Variants in DMXL2 observed in about 807,000 individuals in gnomAD.
DMXL2 encodes Dmx like 2.
Under a neutral mutation model 331.1 loss-of-function variants are expected in DMXL2, and 103 were observed. That is an observed-to-expected ratio of 0.31 (90% CI 0.27 to 0.37). DMXL2 has a LOEUF of 0.37. Ranked by LOEUF, DMXL2 falls within the 10% of genes least tolerant of loss-of-function variation. DMXL2 has a pLI of 1.00. For missense variants in DMXL2, 3,171 were observed against 3,642.9 expected, an observed-to-expected ratio of 0.87 and a Z score of 3.33; for synonymous variants, 1,281 against 1,252.1, an observed-to-expected ratio of 1.02 and a Z score of -0.49.
chr15:51,541,733 C>T (rs1199665993), intron 9 of DMXL2, among the ~76,000 whole-genome samples: 3 of 152,104 alleles, frequency 2.0e-5, no homozygotes, highest in Admixed American at 2.0e-4. Flanking sequence ...TAGCCTTTCT[C>T]CTACATTTCC....
chr15:51,536,294 C>A lies in DMXL2; in HGVS notation c.2186G>T (p.Arg729Leu). Residue 729 changes from arginine (R) to leucine (L), a missense_variant, in exon 12 of 44, where the codon CGT becomes CTT. Physicochemically the swap from Arg to Leu is moderately radical, Grantham distance 102 (BLOSUM62 -2). Transcript: ENST00000560891. The stretch of plus-strand genomic sequence containing the variant: ...TGACAAAGGTCCTATTGGGTCTACA[C>A]GCCACAGAATAAGTTCACTGTAGAT... ...NAIYSELILW[R>L]VDPIGPLSYT... 1 of 1,614,016 alleles carries A rather than the reference C, an allele frequency of 6.2e-7. No individual in the cohort carries two copies. Among genetic ancestry groups the A allele is most frequent in the Non-Finnish European group, 8.5e-7 (1 of 1,179,948 alleles).
intron 13 of DMXL2, among the ~76,000 whole-genome samples, chr15:51,520,891 A>C (rs528240265): frequency 6.6e-6 from 1 of 152,194 alleles, no homozygotes; most frequent in South Asian, 2.1e-4. Flanking sequence ...TAAATACATA[A>C]ATGGGAGTAA....
rs2038976623 is a variant in DMXL2, at chr15:51,449,812, G to A, written c.8967+317C>T. ...CACACACAAGAGTACTGAGGGAGAGGGGAGAAGCTTCTAAGGAGCCAAACT... is the reference window on the plus strand; with the variant it reads ...CACACACAAGAGTACTGAGGGAGAGAGGAGAAGCTTCTAAGGAGCCAAACT... On this transcript the variant is annotated intron_variant, in intron 43 of 43. Transcript: ENST00000560891. Among the ~76,000 whole-genome samples, 3 of 152,070 alleles carry A rather than the reference G, an allele frequency of 2.0e-5. No individual in the cohort carries two copies. In the South Asian group the frequency reaches 6.2e-4, roughly 32 times the overall value.
At chr15:51,506,346 A>G (rs1567042616) in intron 16 of DMXL2, among the ~76,000 whole-genome samples, 5 of 152,076 alleles carry the variant, frequency 3.3e-5, no homozygotes, top group Admixed American at 3.3e-4. Context: ...TATACGCATG[A>G]GCCACCATGC....
intron 20 of DMXL2, among the ~76,000 whole-genome samples, chr15:51,489,519 T>C (rs1310080979): frequency 6.6e-6 from 1 of 152,026 alleles, no homozygotes; most frequent in African/African-American, 2.4e-5. Context: ...TAGCCAGGCA[T>C]GGTGGCGCAC....
At chr15:51,544,895 A>C (rs1194697660) in intron 8 of DMXL2, among the ~76,000 whole-genome samples, 1 of 152,132 alleles carries the variant, frequency 6.6e-6, no homozygotes, top group African/African-American at 2.4e-5. Flanking sequence ...AAACAGCCAC[A>C]AGAAAAATAG....
intron 6 of DMXL2, among the ~76,000 whole-genome samples, chr15:51,562,031 T>C (rs1288786206): frequency 1.3e-5 from 2 of 152,138 alleles, no homozygotes; most frequent in African/African-American, 4.8e-5. Context: ...GTTAGATAGA[T>C]GGAATAAGTT....
intron 13 of DMXL2, among the ~76,000 whole-genome samples, chr15:51,527,637 G>A (rs2047753501): frequency 6.6e-6 from 1 of 151,862 alleles, no homozygotes; most frequent in Non-Finnish European, 1.5e-5. Context: ...CAGGATAATT[G>A]CTTGCACCCA....
chr15:51,556,759 G>A (rs1027532555), intron 6 of DMXL2, among the ~76,000 whole-genome samples: 9 of 151,666 alleles, frequency 5.9e-5, no homozygotes, highest in Admixed American at 2.6e-4. Flanking sequence ...GTGACAGAGC[G>A]AGATTCTGTC....
At chr15:51,586,137 T>C (rs1021972744) in intron 1 of DMXL2, among the ~76,000 whole-genome samples, 4 of 152,126 alleles carry the variant, frequency 2.6e-5, no homozygotes, top group African/African-American at 4.8e-5. Flanking sequence ...AAAAAGGAAC[T>C]AGACAGTATG....
At chr15:51,594,302 C>T (rs1325392350) in intron 1 of DMXL2, among the ~76,000 whole-genome samples, 2 of 152,158 alleles carry the variant, frequency 1.3e-5, no homozygotes, top group Admixed American at 6.5e-5. Context: ...CACAAATAAA[C>T]TAGAAAATCT....
chr15:51,591,501 G>C (rs982887616), intron 1 of DMXL2, among the ~76,000 whole-genome samples: 8 of 152,184 alleles, frequency 5.3e-5, no homozygotes, highest in African/African-American at 1.9e-4. Context: ...CTCCACCTGT[G>C]GGGGCAGGGC....
chr15:51,524,618 G>C (rs1422652978), intron 13 of DMXL2, among the ~76,000 whole-genome samples: 1 of 152,182 alleles, frequency 6.6e-6, no homozygotes, highest in Non-Finnish European at 1.5e-5. Context: ...GCAAGCAACT[G>C]TGAGCACTGA....
At chr15:51,530,089 G>A (rs760265389) in intron 13 of DMXL2, among the ~76,000 whole-genome samples, 31 of 151,954 alleles carry the variant, frequency 2.0e-4, no homozygotes, top group African/African-American at 7.3e-4. Flanking sequence ...AAAAAAGTGG[G>A]TATAGAAGGA....
At position 51,480,730 on chromosome 15, in the gene DMXL2, G is replaced by A. The variant is rs143448138; in HGVS notation, c.6376C>T (p.Arg2126Cys). 4.7e-5 allele frequency: 75 copies of A among 1,603,048 alleles called. No homozygotes were observed. The highest frequency in any genetic ancestry group is 5.7e-5 in the Non-Finnish European group (67 of 1,172,754). The change falls in exon 24 of 44, where the codon CGC becomes TGC. Residue 2126 changes from arginine (R) to cysteine (C), a missense_variant. By Grantham distance (180) the Arg-to-Cys change is radical. This residue lies in a region of DMXL2 where 197 missense variants were observed against 196.2 expected (regional missense o/e 1.00). Coordinates refer to ENST00000560891, the MANE Select transcript of DMXL2 (RefSeq NM_001378457.1). ...VDKPDIGSYE[R>C]HQIERRRLQA... ...AATCTTCTTCTTTCTATTTGATGGCGCTCATAGGAACCAATATCTGGTTTG... is the reference window on the plus strand; with the variant it reads ...AATCTTCTTCTTTCTATTTGATGGCACTCATAGGAACCAATATCTGGTTTG...
Position 51,481,754 on chromosome 15 carries a change from TG to T in DMXL2, c.5483-132del, listed in dbSNP as rs1181490235. On this transcript the variant is annotated intron_variant, in intron 23 of 43. Coordinates refer to ENST00000560891, the MANE Select transcript of DMXL2 (RefSeq NM_001378457.1). ...TATTAACCTACGATAGGTTACACTA[TG>T]GCATATACAATCATTACAACTGTAC... is the stretch of plus-strand genomic sequence containing the variant. The T allele has an allele frequency of 3.7e-6, 3 of 814,696 alleles. No homozygotes were observed. In the East Asian group the frequency reaches 8.2e-5, roughly 22 times the overall value. The allele number at this position is 814,696 out of a possible 1,614,324, so 50.5% of individuals were successfully genotyped here. A position where few individuals can be genotyped will look rare whatever the true frequency, so the allele number is the denominator to read the frequency against.
In DMXL2 at chr15:51,498,545, T is replaced by A. The variant is rs776451577; in HGVS notation, c.4672+7A>T. On this transcript the variant is annotated splice_region_variant and intron_variant, in intron 18 of 43. Coordinates refer to ENST00000560891, the MANE Select transcript of DMXL2 (RefSeq NM_001378457.1). Reference sequence around the variant, plus strand: ...CAACTTTATAAATTTTTAGCGAGAATATTTACCTGAGCAACTCTTATCTCT... The same window carrying A: ...CAACTTTATAAATTTTTAGCGAGAAAATTTACCTGAGCAACTCTTATCTCT... 6.3e-7 allele frequency: 1 copy of A among 1,599,914 alleles called. No individual in the cohort carries two copies. Among genetic ancestry groups the A allele is most frequent in the East Asian group, 2.2e-5 (1 of 44,720 alleles).
intron 15 of DMXL2, among the ~76,000 whole-genome samples, chr15:51,508,043 G>C (rs1016830458): frequency 1.3e-5 from 2 of 152,094 alleles, no homozygotes; most frequent in Non-Finnish European, 2.9e-5. Flanking sequence ...CGCTGCTAGA[G>C]TTAAAATTGT....
In DMXL2 at chr15:51,481,094, C is replaced by T; in HGVS notation, c.6012G>A (p.Arg2004=). The T allele has an allele frequency of 6.2e-7, 1 of 1,613,280 alleles. No individual in the cohort carries two copies. Among genetic ancestry groups the T allele is most frequent in the Non-Finnish European group, 8.5e-7 (1 of 1,179,506 alleles). Residue 2004 remains arginine (R), a synonymous_variant, in exon 24 of 44, where the codon AGG becomes AGA. Coordinates refer to ENST00000560891, the MANE Select transcript of DMXL2 (RefSeq NM_001378457.1). ...TCTGATCTGATTGTTTATCTTTTTC[C>T]CTGGCATCTGTACTTTTCATCACTA... is the stretch of plus-strand genomic sequence containing the variant. ...VGLVMKSTDA[R]EKDKQSDQKA...
Sources: gnomAD v4.1 joint callset for allele counts (sites outside exome capture counted in the v4.1 genomes callset) on GRCh38, gnomAD v4.1.1 for gene constraint, gnomAD v4.1.1 regional missense constraint, MANE v1.5 for transcripts, NCBI Gene and HGNC (gene_info 2026-07-23, HGNC 2026-07-21) for gene names.